The following NRG1 variants were observed in gnomAD, a reference collection of about 807,000 sequenced individuals.
The protein encoded by NRG1 is pro-neuregulin-1, membrane-bound isoform.
Under a neutral mutation model 63.8 loss-of-function variants are expected in NRG1, and 18 were observed. The ratio of observed to expected loss-of-function variants is 0.28; its 90% CI spans 0.19 to 0.42. NRG1 has a LOEUF of 0.42. NRG1 is among the 10% of genes least tolerant of loss of function. The probability of loss-of-function intolerance (pLI) is 1.00; values close to 1 mark genes in which losing one functional copy is unlikely to be tolerated. For synonymous variants in NRG1, 302 were observed against 301.3 expected (o/e 1.00, Z -0.02); for missense variants, 762 against 814.7 (o/e 0.94, Z 0.79).
Position 32,063,782 on chromosome 8 carries a change from A to G in NRG1, c.37+424351A>G, listed in dbSNP as rs1563742550. 2.0e-5 allele frequency among the ~76,000 whole-genome samples: 3 copies of G among 152,294 alleles called. No homozygotes were observed. The East Asian group carries it at 5.8e-4, about 29-fold the overall frequency. On this transcript the variant is annotated intron_variant, in intron 1 of 10. Coordinates refer to the NRG1 transcript ENST00000519301. ...AATACACTTTTTTATGTTTAATAAA[A>G]AACATATCACCTACCCTACAACTCA...
At chr8:32,732,847 G>A (rs1589478354) in intron 6 of NRG1, among the ~76,000 whole-genome samples, 1 of 95,332 alleles carries the variant, frequency 1.0e-5, no homozygotes, top group South Asian at 3.7e-4. Context: ...TGCTCTTGTT[G>A]CCCAGGCTGG....
At chr8:32,638,336 T>C (rs1851716404) in intron 5 of NRG1, among the ~76,000 whole-genome samples, 1 of 152,076 alleles carries the variant, frequency 6.6e-6, no homozygotes, top group African/African-American at 2.4e-5. Context: ...ATAAATAAAA[T>C]TCATGGGTAA....
chr8:31,717,343 G>A (rs1390588054), intron 1 of NRG1, among the ~76,000 whole-genome samples: 1 of 151,568 alleles, frequency 6.6e-6, no homozygotes, highest in Non-Finnish European at 1.5e-5. Flanking sequence ...GGAGGTGGTG[G>A]CTGCAGTGAG....
chr8:32,282,950 A>C (rs560751794), intron 1 of NRG1, among the ~76,000 whole-genome samples: 4 of 152,268 alleles, frequency 2.6e-5, no homozygotes, highest in Admixed American at 6.6e-5. Context: ...CATGTTTTGT[A>C]GTATATATAT....
At chr8:32,317,070 A>G (rs1857485129) in intron 1 of NRG1, among the ~76,000 whole-genome samples, 1 of 152,054 alleles carries the variant, frequency 6.6e-6, no homozygotes, top group African/African-American at 2.4e-5. Context: ...CTAAAATGAA[A>G]CTCTAGACTA....
intron 1 of NRG1, among the ~76,000 whole-genome samples, chr8:32,258,433 C>A (rs762289780): frequency 2.0e-5 from 3 of 152,178 alleles, no homozygotes; most frequent in Non-Finnish European, 2.9e-5. Context: ...CCCCATTGCA[C>A]AGACAAGAAA....
chr8:31,960,669 A>G (rs1356801292), intron 1 of NRG1, among the ~76,000 whole-genome samples: 1 of 152,240 alleles, frequency 6.6e-6, no homozygotes, highest in Non-Finnish European at 1.5e-5. Context: ...CAAAGAAGTG[A>G]TAATTCTTAA....
At chr8:31,667,990 G>T (rs1486398554) in intron 1 of NRG1, among the ~76,000 whole-genome samples, 1 of 151,938 alleles carries the variant, frequency 6.6e-6, no homozygotes, top group Non-Finnish European at 1.5e-5. Flanking sequence ...TAAAATGATG[G>T]GGTTAAAAAT....
intron 1 of NRG1, among the ~76,000 whole-genome samples, chr8:32,291,566 T>G: frequency 8.0e-6 from 1 of 124,388 alleles, no homozygotes; most frequent in African/African-American, 3.1e-5. Context: ...TGAGACAGAG[T>G]CTCGCTGTGT....
chr8:32,025,214 C>A (rs915770375), intron 1 of NRG1, among the ~76,000 whole-genome samples: 2 of 151,970 alleles, frequency 1.3e-5, no homozygotes, highest in African/African-American at 4.8e-5. Context: ...TTTTTGCTTG[C>A]TTACATTTTT....
At chr8:32,672,802 G>C (rs1296626895) in intron 5 of NRG1, among the ~76,000 whole-genome samples, 2 of 151,930 alleles carry the variant, frequency 1.3e-5, no homozygotes, top group East Asian at 3.9e-4. Context: ...CATTGTTGTT[G>C]TTATGTTCTC....
intron 1 of NRG1, among the ~76,000 whole-genome samples, chr8:31,703,733 T>A (rs1810855502): frequency 6.6e-6 from 1 of 152,216 alleles, no homozygotes; most frequent in Non-Finnish European, 1.5e-5. Flanking sequence ...GGCAGCATTC[T>A]CTTCTATTCA....
chr8:32,376,195 T>C (rs933501217), intron 1 of NRG1, among the ~76,000 whole-genome samples: 3 of 152,184 alleles, frequency 2.0e-5, no homozygotes, highest in Non-Finnish European at 4.4e-5. Flanking sequence ...ATATAATTAT[T>C]GGTGTTAGGC....
chr8:32,243,840 C>T (rs930705108), intron 1 of NRG1, among the ~76,000 whole-genome samples: 1 of 152,140 alleles, frequency 6.6e-6, no homozygotes, highest in East Asian at 1.9e-4. Flanking sequence ...AAAGCCTCCT[C>T]TCTCTCTGCC....
intron 1 of NRG1, among the ~76,000 whole-genome samples, chr8:31,742,348 C>A (rs1365805736): frequency 6.7e-6 from 1 of 148,716 alleles, no homozygotes; most frequent in African/African-American, 2.5e-5. Context: ...TATTATTGTT[C>A]TTCAAATTGT....
chr8:31,848,203 C>A (rs1007483980), intron 1 of NRG1, among the ~76,000 whole-genome samples: 7 of 152,142 alleles, frequency 4.6e-5, no homozygotes, highest in Non-Finnish European at 8.8e-5. Flanking sequence ...TTCTAACACT[C>A]TGAACAATAA....
At chr8:31,863,674 T>A (rs1828683275) in intron 1 of NRG1, among the ~76,000 whole-genome samples, 1 of 152,236 alleles carries the variant, frequency 6.6e-6, no homozygotes, top group Admixed American at 6.5e-5. Flanking sequence ...TTTACCATCT[T>A]GCCCACTTAC....
chr8:32,242,882 G>T (rs2129469791), intron 1 of NRG1, among the ~76,000 whole-genome samples: 1 of 152,216 alleles, frequency 6.6e-6, no homozygotes, highest in African/African-American at 2.4e-5. Flanking sequence ...GTTTGCTAGG[G>T]CTCTGTAACA....
chr8:32,202,457 C>A (rs182118554), intron 1 of NRG1, among the ~76,000 whole-genome samples: 2 of 152,238 alleles, frequency 1.3e-5, no homozygotes, highest in South Asian at 2.1e-4. Flanking sequence ...TGTTACAATG[C>A]TCTTTTAGCC....
Sources: allele counts gnomAD v4.1 joint callset (sites outside exome capture counted in the v4.1 genomes callset), GRCh38; gene constraint gnomAD v4.1.1; transcripts MANE v1.5; gene names NCBI Gene and HGNC (gene_info 2026-07-23, HGNC 2026-07-21).